RANBP2: variants seen among roughly 807,000 people sequenced by gnomAD.
The protein encoded by RANBP2 is E3 SUMO-protein ligase RanBP2.
A neutral mutation model predicts 303.6 loss-of-function variants in RANBP2; 57 were observed. The ratio of observed to expected loss-of-function variants is 0.19; its 90% confidence interval spans 0.15 to 0.23. The LOEUF (loss-of-function observed/expected upper bound fraction) is 0.23. Ranked by LOEUF, RANBP2 falls within the 10% of genes least tolerant of loss-of-function variation. The pLI is 1.00. For synonymous variants in RANBP2, 1,167 were observed against 1,301.5 expected, an observed-to-expected ratio of 0.90 and a Z score of 2.23; for missense variants, 3,138 against 3,780.8, an observed-to-expected ratio of 0.83 and a Z score of 4.46.
the RANBP2 span, among the ~76,000 whole-genome samples, chr2:109,256,253 C>T: frequency 2.6e-5 from 4 of 152,126 alleles, no homozygotes; most frequent in African/African-American, 4.8e-5. Flanking sequence ...GGACAGGTCG[C>T]GCATTGTTTC....
At chr2:108,774,434 T>A (rs1385779649) in intron 23 of RANBP2, among the ~76,000 whole-genome samples, 1 of 152,154 alleles carries the variant, frequency 6.6e-6, no homozygotes, top group Non-Finnish European at 1.5e-5. Flanking sequence ...GTATAGCCAC[T>A]GCTCTCCAGC....
At chr2:108,734,065 C>T (rs954915387) in intron 4 of RANBP2, among the ~76,000 whole-genome samples, 3 of 151,942 alleles carry the variant, frequency 2.0e-5, no homozygotes, top group Non-Finnish European at 1.5e-5. Context: ...AACATAGAGT[C>T]AAAGACTAGG....
At chr2:108,732,712 C>T (rs1695266305) in intron 4 of RANBP2, among the ~76,000 whole-genome samples, 1 of 152,230 alleles carries the variant, frequency 6.6e-6, no homozygotes. Context: ...ATGCTATTTA[C>T]TTCTCTTCAC....
chr2:109,468,726 C>G, the RANBP2 span, among the ~76,000 whole-genome samples: 2 of 151,596 alleles, frequency 1.3e-5, no homozygotes, highest in African/African-American at 4.9e-5. Context: ...TGGTGGCGGG[C>G]ACCTGTAATC....
chr2:109,120,616 G>A, the RANBP2 span, among the ~76,000 whole-genome samples: 3 of 143,534 alleles, frequency 2.1e-5, no homozygotes, highest in South Asian at 2.2e-4. Context: ...GTGGTGAGCC[G>A]AGATCGCGCC....
chr2:109,728,485 T>C, the RANBP2 span, among the ~76,000 whole-genome samples: 1 of 151,890 alleles, frequency 6.6e-6, no homozygotes, highest in African/African-American at 2.4e-5. Flanking sequence ...AGATGGAGTC[T>C]CGCTCTGTTG....
chr2:109,124,184 T>A, the RANBP2 span, among the ~76,000 whole-genome samples: 1 of 151,754 alleles, frequency 6.6e-6, no homozygotes, highest in Non-Finnish European at 1.5e-5. Context: ...TTAATTTTTT[T>A]TTTTTTTGAG....
At chr2:109,144,417 C>A in the RANBP2 span, among the ~76,000 whole-genome samples, 1 of 152,184 alleles carries the variant, frequency 6.6e-6, no homozygotes, top group Non-Finnish European at 1.5e-5. Context: ...GCAGACCTAG[C>A]TTTCACCATG....
At chr2:109,104,046 G>C in the RANBP2 span, among the ~76,000 whole-genome samples, 3 of 152,092 alleles carry the variant, frequency 2.0e-5, no homozygotes, top group Non-Finnish European at 4.4e-5. Context: ...CGCCCGCCTC[G>C]GCCTCCCGAA....
the RANBP2 span, among the ~76,000 whole-genome samples, chr2:109,568,193 G>A: frequency 1.3e-5 from 2 of 151,916 alleles, no homozygotes; most frequent in South Asian, 2.1e-4. Context: ...CTACAGTTGC[G>A]TTCACACTAC....
At chr2:109,616,041 AG>A in the RANBP2 span, 2 of 1,514,850 alleles carry the variant, frequency 1.3e-6, no homozygotes, top group Non-Finnish European at 1.8e-6. Flanking sequence ...CTTCACATTG[AG>A]ACCAAAGTCC....
chr2:108,929,792 A>T, the RANBP2 span, among the ~76,000 whole-genome samples: 1 of 152,212 alleles, frequency 6.6e-6, no homozygotes, highest in African/African-American at 2.4e-5. Flanking sequence ...AGCACTCAGG[A>T]AAAAATGTAC....
At chr2:109,692,061 C>T in the RANBP2 span, among the ~76,000 whole-genome samples, 43 of 152,186 alleles carry the variant, frequency 2.8e-4, no homozygotes, top group East Asian at 9.6e-4. Context: ...GGATTACAGG[C>T]GTGAGCCACC....
the RANBP2 span, among the ~76,000 whole-genome samples, chr2:108,942,408 A>G: frequency 3.9e-5 from 6 of 152,202 alleles, no homozygotes; most frequent in Non-Finnish European, 8.8e-5. Flanking sequence ...GAAGGGCTCC[A>G]AGCGAGTCAA....
At chr2:109,543,390 T>A in the RANBP2 span, 1 of 152,178 alleles carries the variant, frequency 6.6e-6, no homozygotes, top group Non-Finnish European at 1.5e-5. Context: ...AGATATTTTG[T>A]TTCACCACAG....
the RANBP2 span, among the ~76,000 whole-genome samples, chr2:109,498,732 G>A: frequency 0.062 from 9,473 of 152,330 alleles, 781 homozygotes; most frequent in African/African-American, 0.19. Flanking sequence ...TGGAGCAGGT[G>A]TGCAGTAATC....
chr2:109,592,276 G>A, the RANBP2 span, among the ~76,000 whole-genome samples: 2,513 of 151,200 alleles, frequency 0.017, 67 homozygotes, highest in African/African-American at 0.057. Flanking sequence ...ACCAGCCTGG[G>A]CAACCTGGCA....
chr2:108,974,603 G>A, the RANBP2 span, among the ~76,000 whole-genome samples: 53 of 151,922 alleles, frequency 3.5e-4, 1 homozygote, highest in Non-Finnish European at 6.3e-4. Flanking sequence ...GGTGGTGTGT[G>A]CCTGTAATCC....
the RANBP2 span, among the ~76,000 whole-genome samples, chr2:109,374,763 C>A: frequency 6.6e-6 from 1 of 152,236 alleles, no homozygotes; most frequent in Non-Finnish European, 1.5e-5. Flanking sequence ...CTGCAGGCAC[C>A]TGGCAGGGTT....
Sources: gnomAD v4.1 joint callset for allele counts (sites outside exome capture counted in the v4.1 genomes callset) on GRCh38, gnomAD v4.1.1 for gene constraint, MANE v1.5 for transcripts, NCBI Gene and HGNC (gene_info 2026-07-23, HGNC 2026-07-21) for gene names.